TJP1: variants seen among roughly 807,000 people sequenced by gnomAD.
The protein encoded by TJP1 is tight junction protein ZO-1.
In TJP1, 43 loss-of-function variants were observed where a neutral mutation model predicts 194.2. The ratio of observed to expected loss-of-function variants is 0.22; its 90% confidence interval spans 0.17 to 0.29. The LOEUF is 0.29. Ranked by LOEUF, TJP1 falls within the 10% of genes least tolerant of loss-of-function variation. The probability of loss-of-function intolerance (pLI) is 1.00; values close to 1 mark genes in which losing one functional copy is unlikely to be tolerated. For synonymous variants in TJP1, 801 were observed against 779.0 expected, an observed-to-expected ratio of 1.03 and a Z score of -0.47; for missense variants, 1,971 against 2,185.7, an observed-to-expected ratio of 0.90 and a Z score of 1.96.
chr15:29,746,485 T>A (rs1414769703), intron 8 of TJP1, among the ~76,000 whole-genome samples: 3 of 152,090 alleles, frequency 2.0e-5, no homozygotes, highest in Non-Finnish European at 4.4e-5. Flanking sequence ...AAAACTTTTC[T>A]CTAAAATATA....
At chr15:29,793,578 G>GC (rs957067175) in intron 2 of TJP1, among the ~76,000 whole-genome samples, 12 of 152,262 alleles carry the variant, frequency 7.9e-5, no homozygotes, top group African/African-American at 2.9e-4. Flanking sequence ...AGGGCAGAAG[G>GC]CAACAGGGGA....
chr15:29,922,170 A>G (rs147027595), intron 2 of TJP1, among the ~76,000 whole-genome samples: 51 of 152,146 alleles, frequency 3.4e-4, no homozygotes, highest in African/African-American at 1.1e-3. Flanking sequence ...TCTTTGCTCA[A>G]GTATTTTAAA....
At chr15:29,858,131 T>C (rs1483436456) in intron 2 of TJP1, among the ~76,000 whole-genome samples, 1 of 152,214 alleles carries the variant, frequency 6.6e-6, no homozygotes, top group Non-Finnish European at 1.5e-5. Context: ...CCAGCTGTGG[T>C]GTCTTACTCC....
In TJP1 at chr15:29,773,363, G is replaced by A. The variant is rs751106557; in HGVS notation, c.85-6C>T. On this transcript the variant is annotated splice_polypyrimidine_tract_variant and splice_region_variant and intron_variant, in intron 2 of 27. Transcript: ENST00000614355. ...CCAAATCCAAATCCAGGAGCCTAAA[G>A]TAAAAATTACAGTAAAATATTGCTA... 1.2e-4 allele frequency: 196 copies of A among 1,612,594 alleles called. 1 individual carries two copies. The highest frequency in any genetic ancestry group is 1.5e-4 in the Non-Finnish European group (178 of 1,179,156).
chr15:29,825,779 A>G (rs139487094), upstream of TJP1, among the ~76,000 whole-genome samples: 1 of 152,354 alleles, frequency 6.6e-6, no homozygotes, highest in Non-Finnish European at 1.5e-5. Flanking sequence ...GAAGCACTTT[A>G]TCAAGATGTT....
chr15:29,890,191 A>AGGGGAC (rs199672706), intron 2 of TJP1, among the ~76,000 whole-genome samples: 1,923 of 152,232 alleles, frequency 0.013, 34 homozygotes, highest in African/African-American at 0.044. Context: ...CGAAACTGGG[A>AGGGGAC]GGGGACGGGG....
intron 8 of TJP1, among the ~76,000 whole-genome samples, chr15:29,744,675 T>C (rs897220089): frequency 3.3e-5 from 5 of 152,174 alleles, no homozygotes; most frequent in Admixed American, 1.3e-4. Context: ...CAGAAAAATA[T>C]AAAAAGCTCT....
chr15:29,949,408 C>A (rs2055461794), intron 2 of TJP1, among the ~76,000 whole-genome samples: 1 of 141,482 alleles, frequency 7.1e-6, no homozygotes, highest in Non-Finnish European at 1.5e-5. Flanking sequence ...CCTCCACAAC[C>A]ACCACCTCTA....
intron 8 of TJP1, among the ~76,000 whole-genome samples, chr15:29,745,661 T>C (rs1370443540): frequency 3.9e-5 from 6 of 152,216 alleles, no homozygotes; most frequent in African/African-American, 1.4e-4. Flanking sequence ...ACACACTCTT[T>C]AAGGACTTTA....
At chr15:29,882,903 A>T (rs183242834) in intron 2 of TJP1, among the ~76,000 whole-genome samples, 181 of 152,256 alleles carry the variant, frequency 1.2e-3, no homozygotes, top group African/African-American at 4.1e-3. Context: ...CCTTCCAGAC[A>T]TTTCCCTTCG....
intron 2 of TJP1, among the ~76,000 whole-genome samples, chr15:29,843,292 G>A (rs180997832): frequency 4.6e-4 from 70 of 151,922 alleles, no homozygotes; most frequent in East Asian, 1.6e-3. Flanking sequence ...GGGTTCAAGC[G>A]ATTTTCCTGA....
chr15:29,709,154 G>T, intron 24 of TJP1, 118 bp from the exon 25 acceptor site: 1 of 944,038 alleles, frequency 1.1e-6, no homozygotes, highest in Non-Finnish European at 1.6e-6. Context: ...CACAGCCAGA[G>T]CCTGACTCTT....
At chr15:29,832,736 G>A (rs1241358761) in intron 2 of TJP1, among the ~76,000 whole-genome samples, 1 of 152,230 alleles carries the variant, frequency 6.6e-6, no homozygotes, top group Non-Finnish European at 1.5e-5. Context: ...GATAGAGGCA[G>A]ATGTGGGAAG....
intron 1 of TJP1, among the ~76,000 whole-genome samples, chr15:29,811,746 C>T (rs924383908): frequency 6.6e-6 from 1 of 152,154 alleles, no homozygotes; most frequent in African/African-American, 2.4e-5. Flanking sequence ...AAACTACTAA[C>T]CTACAGGCTG....
Position 29,704,403 on chromosome 15 carries a change from C to A in TJP1, c.5069-98G>T, listed in dbSNP as rs557401553. Reference sequence around the variant, plus strand: ...CTGCTTCTAATTATATGCTTGAAAGCCTAATGGAGTTAGTTCTCTACAGTC... The same window carrying A: ...CTGCTTCTAATTATATGCTTGAAAGACTAATGGAGTTAGTTCTCTACAGTC... On this transcript the variant is annotated intron_variant, in intron 26 of 27. Coordinates refer to ENST00000614355, the MANE Select transcript of TJP1 (RefSeq NM_001330239.4). 667 of 1,428,008 alleles carry A rather than the reference C, an allele frequency of 4.7e-4. 12 individuals are homozygous for A. The South Asian group carries it at 7.9e-3, about 17-fold the overall frequency. The allele number at this position is 1,428,008 out of a possible 1,614,324, so 88.5% of individuals were successfully genotyped here. A position where few individuals can be genotyped will look rare whatever the true frequency, so the allele number is the denominator to read the frequency against.
At chr15:29,705,142 G>A (rs1028265045) in intron 26 of TJP1, among the ~76,000 whole-genome samples, 2 of 152,218 alleles carry the variant, frequency 1.3e-5, no homozygotes, top group Non-Finnish European at 2.9e-5. Context: ...AAGAGGTTTA[G>A]GTTCTCCAAT....
intron 1 of TJP1, chr15:29,968,080 G>A: frequency 2.0e-6 from 2 of 985,414 alleles, no homozygotes; most frequent in Non-Finnish European, 2.4e-6. Context: ...TTTTCTTTAA[G>A]GATGTTTTTT....
intron 2 of TJP1, among the ~76,000 whole-genome samples, chr15:29,915,567 G>C (rs1055853859): frequency 3.9e-5 from 6 of 152,224 alleles, no homozygotes; most frequent in South Asian, 4.1e-4. Flanking sequence ...TTGTTAAAAA[G>C]GATTTTATAC....
intron 2 of TJP1, among the ~76,000 whole-genome samples, chr15:29,944,247 C>T (rs2055195190): frequency 6.6e-6 from 1 of 151,852 alleles, no homozygotes; most frequent in African/African-American, 2.4e-5. Flanking sequence ...CGCCCGCCAC[C>T]ACACCCGGCT....
Sources: allele counts gnomAD v4.1 joint callset (sites outside exome capture counted in the v4.1 genomes callset), GRCh38; gene constraint gnomAD v4.1.1; transcripts MANE v1.5; gene names NCBI Gene and HGNC (gene_info 2026-07-23, HGNC 2026-07-21).